Variants in MED13L observed in about 807,000 individuals in gnomAD.
The protein encoded by MED13L is mediator of RNA polymerase II transcription subunit 13-like.
In MED13L, 7 loss-of-function variants were observed where a neutral mutation model predicts 220.9. The ratio of observed to expected loss-of-function variants is 0.03; its 90% CI spans 0.02 to 0.06. The LOEUF (loss-of-function observed/expected upper bound fraction) is 0.06. Among genes scored for constraint, MED13L ranks in the 10% least tolerant of loss-of-function variants. The probability of loss-of-function intolerance (pLI) is 1.00; values close to 1 mark genes in which losing one functional copy is unlikely to be tolerated. For synonymous variants in MED13L, 1,011 were observed against 1,015.2 expected, an observed-to-expected ratio of 1.00 and a Z score of 0.08; for missense variants, 1,965 against 2,760.5, an observed-to-expected ratio of 0.71 and a Z score of 6.46.
intron 20 of MED13L, 89 bp from the exon 21 acceptor site, chr12:115,983,629 T>C: frequency 7.2e-7 from 1 of 1,393,280 alleles, no homozygotes; most frequent in East Asian, 2.4e-5. Context: ...TGTAAAAACA[T>C]TATGCTTTCA....
chr12:116,134,291 C>T (rs1360104919), intron 2 of MED13L, among the ~76,000 whole-genome samples: 4 of 152,012 alleles, frequency 2.6e-5, no homozygotes, highest in African/African-American at 7.3e-5. Flanking sequence ...TACTGAGAGA[C>T]GAACTAAATT....
In MED13L at chr12:115,991,562, C is replaced by G. The variant is rs1178645658; in HGVS notation, c.3392G>C (p.Cys1131Ser). 6.2e-7 allele frequency: 1 copy of G among 1,613,984 alleles called. No homozygotes were observed. The highest frequency in any genetic ancestry group is 1.3e-5 in the African/African-American group (1 of 74,892). Residue 1131 changes from cysteine (C) to serine (S), a missense_variant, in exon 17 of 31, where the codon TGT (cysteine) becomes TCT (serine). Physicochemically the swap from Cys to Ser is moderately radical, Grantham distance 112 (BLOSUM62 -1). Around this residue, in one of 10 missense-constraint regions of MED13L, gnomAD observed 18 missense variants for 72.4 expected, o/e 0.25. Coordinates refer to ENST00000281928, the MANE Select transcript of MED13L (RefSeq NM_015335.5). The surrounding 1 kb of genome is among the most constrained non-coding windows in gnomAD (Gnocchi z 7.7). Reference sequence around the variant, plus strand: ...GTTCATGTTGCAGGCACAGATGCAACAGCTGTCAAAGTTTCTGTCTTTAAA... The same window carrying G: ...GTTCATGTTGCAGGCACAGATGCAAGAGCTGTCAAAGTTTCTGTCTTTAAA... Reference protein sequence around the residue: ...NIFKDRNFDSCCICACNMNIK... With the variant: ...NIFKDRNFDSSCICACNMNIK...
Position 116,219,828 on chromosome 12 carries a change from C to G in MED13L, c.310+17640G>C, listed in dbSNP as rs112990918. On this transcript the variant is annotated intron_variant, in intron 2 of 30. Transcript: ENST00000281928. ...TGTTTTGTTTCTTGAGACAGAGTCT[C>G]GCTCTGTCTCCCAGGCTGGAGTGCA... is the stretch of plus-strand genomic sequence containing the variant. 7.9e-3 allele frequency among the ~76,000 whole-genome samples: 1,210 copies of G among 152,244 alleles called. 24 individuals are homozygous for G. The highest frequency in any genetic ancestry group is 0.027 in the African/African-American group (1,142 of 41,556).
In MED13L at chr12:115,986,445, C is replaced by T. The variant is rs750840733; in HGVS notation, c.4159G>A (p.Val1387Ile). The change falls in exon 19 of 31, where the codon GTA becomes ATA. Residue 1387 changes from valine to isoleucine, a missense_variant. Physicochemically the swap from Val to Ile is conservative, Grantham distance 29 (BLOSUM62 3). Coordinates refer to ENST00000281928, the MANE Select transcript of MED13L (RefSeq NM_015335.5). ...PEPLPIPTLL[V>I]GYDKDFLTIS... ...GTGAGGAAATCCTTGTCATAGCCTA[C>T]CAGCAGAGTGGGGATGGGCAACGGC... is the stretch of plus-strand genomic sequence containing the variant. 10 of 1,613,998 alleles carry T rather than the reference C, an allele frequency of 6.2e-6. No individual in the cohort carries two copies. In the African/African-American group the frequency reaches 8.0e-5, roughly 13 times the overall value.
In MED13L at chr12:116,019,918, A is replaced by G. The variant is rs1461118357; in HGVS notation, c.680T>C (p.Met227Thr). Residue 227 changes from methionine to threonine, a missense_variant, in exon 6 of 31, where the codon ATG (methionine) becomes ACG (threonine). Transcript: ENST00000281928. ...NGTLTGQAYKMSDPATRKLIE... is the reference protein window; with the variant it reads ...NGTLTGQAYKTSDPATRKLIE... ...CAACTTACGAGTGGCTGGGTCTGAC[A>G]TCTTGTATGCTTGGCCTGTTAGCGT... 1.2e-6 allele frequency: 2 copies of G among 1,613,328 alleles called. No homozygotes were observed. The highest frequency in any genetic ancestry group is 1.7e-6 in the Non-Finnish European group (2 of 1,179,852).
intron 1 of MED13L, chr12:116,276,717 A>C: frequency 1.0e-6 from 1 of 972,468 alleles, no homozygotes. Context: ...TTACGGGGGG[A>C]AAAAAAGGGG....
intron 1 of MED13L, among the ~76,000 whole-genome samples, chr12:116,245,762 G>A (rs1871045273): frequency 6.6e-6 from 1 of 151,988 alleles, no homozygotes; most frequent in Non-Finnish European, 1.5e-5. Context: ...GGAAAATGGG[G>A]GAAAGCTGAA....
In MED13L at chr12:116,012,879, T is replaced by A; in HGVS notation, c.1198A>T (p.Thr400Ser). The change falls in exon 9 of 31, where the codon ACT (threonine) becomes TCT (serine). Residue 400 changes from threonine to serine, a missense_variant. Physicochemically the swap from Thr to Ser is moderately conservative, Grantham distance 58. Coordinates refer to ENST00000281928, the MANE Select transcript of MED13L (RefSeq NM_015335.5). ...QSKRSQMSTP[T>S]LEEEPASNPA... is the part of the protein sequence containing the mutation. Reference sequence around the variant, plus strand: ...TTGCTAGCAGGCTCTTCTTCAAGAGTTGGAGTTGACATTTGGCTCCTCCTA... The same window carrying A: ...TTGCTAGCAGGCTCTTCTTCAAGAGATGGAGTTGACATTTGGCTCCTCCTA... 1.2e-6 allele frequency: 2 copies of A among 1,613,700 alleles called. No homozygotes were observed. The highest frequency in any genetic ancestry group is 1.7e-6 in the Non-Finnish European group (2 of 1,179,782).
chr12:116,233,267 A>G (rs993964278), intron 2 of MED13L, among the ~76,000 whole-genome samples: 6 of 152,294 alleles, frequency 3.9e-5, no homozygotes, highest in African/African-American at 1.4e-4. Flanking sequence ...GTATATAATC[A>G]TTAGTATTTT....
intron 13 of MED13L, among the ~76,000 whole-genome samples, chr12:116,003,322 A>G (rs1409271261): frequency 6.6e-6 from 1 of 152,170 alleles, no homozygotes; most frequent in African/African-American, 2.4e-5. Context: ...GTGAGGGCAG[A>G]TTGCGCCATC....
intron 8 of MED13L, among the ~76,000 whole-genome samples, chr12:116,014,772 G>C (rs1256799608): frequency 6.6e-6 from 1 of 152,090 alleles, no homozygotes; most frequent in Non-Finnish European, 1.5e-5. Flanking sequence ...TTCATACATT[G>C]ATATGCAAGG....
intron 1 of MED13L, among the ~76,000 whole-genome samples, chr12:116,268,167 C>G (rs985921734): frequency 2.0e-5 from 3 of 151,500 alleles, no homozygotes; most frequent in Non-Finnish European, 4.4e-5. Context: ...ATCTGATGAT[C>G]AGAGGTACAC....
chr12:116,206,400 A>C (rs1008208023), intron 2 of MED13L, among the ~76,000 whole-genome samples: 1 of 152,168 alleles, frequency 6.6e-6, no homozygotes, highest in East Asian at 1.9e-4. Flanking sequence ...CAAGCTAACA[A>C]AGCCAAACTG....
intron 23 of MED13L, among the ~76,000 whole-genome samples, chr12:115,976,475 T>C (rs1876946737): frequency 6.6e-6 from 1 of 152,202 alleles, no homozygotes; most frequent in Non-Finnish European, 1.5e-5. Context: ...GAAGTCAGAA[T>C]AGTGACTATC....
intron 2 of MED13L, among the ~76,000 whole-genome samples, chr12:116,146,677 C>CCT (rs772654589): frequency 1.6e-4 from 25 of 151,798 alleles, no homozygotes; most frequent in Non-Finnish European, 3.2e-4. Flanking sequence ...ACCAGCCTGG[C>CCT]CAACGTGAGG....
chr12:116,061,191 C>A (rs1235523339), intron 4 of MED13L, among the ~76,000 whole-genome samples: 2 of 152,040 alleles, frequency 1.3e-5, no homozygotes, highest in Admixed American at 1.3e-4. Flanking sequence ...ATTTAACTTT[C>A]TTTTTTAAGT....
intron 5 of MED13L, among the ~76,000 whole-genome samples, chr12:116,021,736 A>G (rs1397626843): frequency 6.6e-6 from 1 of 152,188 alleles, no homozygotes; most frequent in East Asian, 1.9e-4. Flanking sequence ...CTGAACCAAA[A>G]AAAGATTGTT....
At position 116,277,105 on chromosome 12, in the gene MED13L, C is replaced by G. The variant is rs1468824618; in HGVS notation, c.27G>C (p.Ala9=). The G allele has an allele frequency of 7.5e-6, 12 of 1,589,824 alleles. No individual in the cohort carries two copies. The highest frequency in any genetic ancestry group is 1.0e-5 in the Non-Finnish European group (12 of 1,170,012). The change falls in exon 1 of 31, where the codon GCG becomes GCC. Residue 9 remains alanine (A), a synonymous_variant. Coordinates refer to ENST00000281928, the MANE Select transcript of MED13L (RefSeq NM_015335.5). ...GACAATCCTCCAGGCTCGCCCCGTTCGCCACCCAGTTCGCTGCCGCAGTCA... is the reference window on the plus strand; with the variant it reads ...GACAATCCTCCAGGCTCGCCCCGTTGGCCACCCAGTTCGCTGCCGCAGTCA... MTAAANWV[A]NGASLEDCHS... is the part of the protein sequence containing the mutation.
intron 2 of MED13L, among the ~76,000 whole-genome samples, chr12:116,143,288 G>T (rs893887888): frequency 4.0e-5 from 6 of 151,448 alleles, no homozygotes; most frequent in Non-Finnish European, 8.8e-5. Flanking sequence ...GCAGGGCAGG[G>T]GTGAATCATT....
Sources: gnomAD v4.1 joint callset for allele counts (sites outside exome capture counted in the v4.1 genomes callset) on GRCh38, gnomAD v4.1.1 for gene constraint, gnomAD v4.1.1 regional missense constraint, Gnocchi (gnomAD v3.1) non-coding constraint, MANE v1.5 for transcripts, NCBI Gene and HGNC (gene_info 2026-07-23, HGNC 2026-07-21) for gene names.